RPS6KA2: variants seen among roughly 807,000 people sequenced by gnomAD.
The protein encoded by RPS6KA2 is ribosomal protein S6 kinase A2.
In RPS6KA2, 42 loss-of-function variants were observed where a neutral mutation model predicts 91.8. That is an observed-to-expected ratio of 0.46 (90% CI 0.36 to 0.59). The LOEUF is 0.59. Among genes scored for constraint, RPS6KA2 ranks in the 20% least tolerant of loss-of-function variants. The pLI is 0.00. For missense variants in RPS6KA2, 798 were observed against 978.5 expected, an observed-to-expected ratio of 0.82 and a Z score of 2.46; for synonymous variants, 414 against 393.6, an observed-to-expected ratio of 1.05 and a Z score of -0.61.
At chr6:166,811,986 T>A (rs1022868189) in intron 2 of RPS6KA2, among the ~76,000 whole-genome samples, 3 of 152,192 alleles carry the variant, frequency 2.0e-5, no homozygotes, top group African/African-American at 7.2e-5. Flanking sequence ...CTGAGTGCAC[T>A]GTAGATTTTA....
chr6:166,700,500 A>T (rs533077686), intron 2 of RPS6KA2, among the ~76,000 whole-genome samples: 3 of 152,190 alleles, frequency 2.0e-5, no homozygotes, highest in African/African-American at 7.2e-5. Flanking sequence ...TCAAAAAAAA[A>T]AGAACAATTT....
At chr6:166,678,802 C>T (rs1312113672) in intron 2 of RPS6KA2, among the ~76,000 whole-genome samples, 4 of 152,216 alleles carry the variant, frequency 2.6e-5, no homozygotes, top group Non-Finnish European at 4.4e-5. Context: ...TTCTGCTGCG[C>T]CTTGAGCCCC....
intron 2 of RPS6KA2, among the ~76,000 whole-genome samples, chr6:166,683,313 T>G (rs1354666655): frequency 6.6e-6 from 1 of 152,242 alleles, no homozygotes; most frequent in Non-Finnish European, 1.5e-5. Context: ...CTCTCCTAAC[T>G]CAGAGTTACA....
intron 2 of RPS6KA2, among the ~76,000 whole-genome samples, chr6:166,538,220 C>G (rs1218044275): frequency 1.3e-5 from 2 of 152,200 alleles, no homozygotes; most frequent in Admixed American, 1.3e-4. Context: ...GGGGAGCCGG[C>G]TGCAGACCCT....
Position 166,806,575 on chromosome 6 carries a change from T to C in RPS6KA2, c.123+51625A>G, listed in dbSNP as rs201715359. Among the ~76,000 whole-genome samples the C allele has an allele frequency of 3.9e-5, 6 of 152,264 alleles. No individual in the cohort carries two copies. The East Asian group carries it at 1.2e-3, about 29-fold the overall frequency. On this transcript the variant is annotated intron_variant, in intron 2 of 21. Coordinates refer to the RPS6KA2 transcript ENST00000503859. ...AAGAAGAAATTAAGACATTCCCAGA[T>C]AAACAAATGCAGGGGGAGTTTGTTA... is the stretch of plus-strand genomic sequence containing the variant.
intron 1 of RPS6KA2, among the ~76,000 whole-genome samples, chr6:166,588,188 G>C (rs1370623866): frequency 6.6e-6 from 1 of 152,052 alleles, no homozygotes; most frequent in East Asian, 1.9e-4. Context: ...ACCCTCCACT[G>C]CTCCCTGAGT....
rs114095774 is a variant in RPS6KA2, at chr6:166,735,837, T to C, written c.123+122363A>G. On this transcript the variant is annotated intron_variant, in intron 2 of 21. Transcript: ENST00000503859. ...GTGTGGCCTAGTTCCTAACAGGACA[T>C]GGTCTGTGGCCGAGGGGTTGAGGAC... Among the ~76,000 whole-genome samples the C allele has an allele frequency of 5.0e-3, 757 of 152,356 alleles. 4 individuals carry two copies. Among genetic ancestry groups the C allele is most frequent in the African/African-American group, 0.017 (712 of 41,578 alleles).
In RPS6KA2 at chr6:166,543,031, G is replaced by A. The variant is rs187496625; in HGVS notation, c.100-4247C>T. The stretch of plus-strand genomic sequence containing the variant: ...TACACAGGTGGTTTATGAAAATGTG[G>A]AAAAGAACGTATCTCCAACTCACAG... On this transcript the variant is annotated intron_variant, in intron 1 of 20. Transcript: ENST00000265678. 9.7e-4 allele frequency among the ~76,000 whole-genome samples: 147 copies of A among 152,192 alleles called. 1 individual carries two copies. The highest frequency in any genetic ancestry group is 1.6e-3 in the Non-Finnish European group (109 of 68,008).
intron 2 of RPS6KA2, among the ~76,000 whole-genome samples, chr6:166,815,963 T>G (rs896003755): frequency 6.6e-6 from 1 of 152,218 alleles, no homozygotes; most frequent in African/African-American, 2.4e-5. Context: ...CTACAGAGCA[T>G]CAAACCTAAT....
chr6:166,840,333 A>G (rs1780435101), intron 2 of RPS6KA2, among the ~76,000 whole-genome samples: 1 of 152,172 alleles, frequency 6.6e-6, no homozygotes, highest in Non-Finnish European at 1.5e-5. Flanking sequence ...ACAGACTTCC[A>G]GGCTTTCATG....
chr6:166,563,655 G>C lies in RPS6KA2; in HGVS notation c.100-24871C>G, dbSNP rs2157488. ...CTCCCACCCCAGGCAGATCTTGTGG[G>C]CAAGGTATCTGCTTAAAGACATTGA... On this transcript the variant is annotated intron_variant, in intron 1 of 20. Transcript: ENST00000265678. The surrounding 1 kb of genome is among the most constrained non-coding windows in gnomAD (Gnocchi z 4.1). Among the ~76,000 whole-genome samples the C allele has an allele frequency of 0.08, 12,113 of 152,172 alleles. 786 individuals are homozygous for C. Among genetic ancestry groups the C allele is most frequent in the South Asian group, 0.25 (1,197 of 4,812 alleles).
Position 166,775,359 on chromosome 6 carries a change from G to A in RPS6KA2, c.123+82841C>T, listed in dbSNP as rs141992525. Reference sequence around the variant, plus strand: ...AAAAGTTTCCCTCGCAAATTTGCACGTCTACCACTAGATGGCAGCAGAGGA... The same window carrying A: ...AAAAGTTTCCCTCGCAAATTTGCACATCTACCACTAGATGGCAGCAGAGGA... On this transcript the variant is annotated intron_variant, in intron 2 of 21. Coordinates refer to the RPS6KA2 transcript ENST00000503859. Among the ~76,000 whole-genome samples, 1,289 of 150,952 alleles carry A rather than the reference G, an allele frequency of 8.5e-3. 10 individuals carry two copies. Among genetic ancestry groups the A allele is most frequent in the Middle Eastern group, 0.014 (4 of 292 alleles).
Position 166,437,348 on chromosome 6 carries a change from C to T in RPS6KA2, c.1333-4858G>A, listed in dbSNP as rs1037987875. Reference sequence around the variant, plus strand: ...TCTGAGAATAATATTGTTTTATAATCTTTATTATGCAACAAAACAGGGAGG... The same window carrying T: ...TCTGAGAATAATATTGTTTTATAATTTTTATTATGCAACAAAACAGGGAGG... On this transcript the variant is annotated intron_variant, in intron 14 of 20. Transcript: ENST00000265678. The surrounding 1 kb of genome is among the most constrained non-coding windows in gnomAD (Gnocchi z 4.3). 6.6e-6 allele frequency among the ~76,000 whole-genome samples: 1 copy of T among 152,170 alleles called. No homozygotes were observed. Among genetic ancestry groups the T allele is most frequent in the Non-Finnish European group, 1.5e-5 (1 of 68,038 alleles).
intron 2 of RPS6KA2, among the ~76,000 whole-genome samples, chr6:166,777,407 TG>T (rs1307380895): frequency 1.3e-5 from 2 of 152,146 alleles, no homozygotes; most frequent in Admixed American, 1.3e-4. Flanking sequence ...AGGGACCACC[TG>T]AAACTGAGCC....
chr6:166,482,074 C>T (rs1319456451), intron 10 of RPS6KA2, among the ~76,000 whole-genome samples: 1 of 150,362 alleles, frequency 6.7e-6, no homozygotes, highest in African/African-American at 2.4e-5. Context: ...TGTACATATA[C>T]CTCTCTGATC....
At chr6:166,775,346 C>T (rs1370600818) in intron 2 of RPS6KA2, among the ~76,000 whole-genome samples, 2 of 151,466 alleles carry the variant, frequency 1.3e-5, no homozygotes, top group Non-Finnish European at 2.9e-5. Flanking sequence ...AAGTTTCCCT[C>T]GCAAATTTGC....
At chr6:166,714,586 C>T (rs1227012922) in intron 2 of RPS6KA2, among the ~76,000 whole-genome samples, 2 of 152,182 alleles carry the variant, frequency 1.3e-5, no homozygotes, top group South Asian at 2.1e-4. Flanking sequence ...GAGACAGAGA[C>T]GCACAGAGGG....
Position 166,852,929 on chromosome 6 carries a change from C to T in RPS6KA2, c.123+5271G>A, listed in dbSNP as rs1374554758. Among the ~76,000 whole-genome samples, 1 of 152,122 alleles carries T rather than the reference C, an allele frequency of 6.6e-6. No individual in the cohort carries two copies. The highest frequency in any genetic ancestry group is 1.5e-5 in the Non-Finnish European group (1 of 68,026). On this transcript the variant is annotated intron_variant, in intron 2 of 21. Transcript: ENST00000503859. The surrounding 1 kb of genome is among the most constrained non-coding windows in gnomAD (Gnocchi z 4.1). ...ATGGTGACAGCAGGAAATGCACCTG[C>T]CCTGCCCCCTCGCCCGGATACTTTC...
At chr6:166,701,533 C>T (rs1228665768) in intron 2 of RPS6KA2, 7 of 1,443,798 alleles carry the variant, frequency 4.8e-6, no homozygotes, top group East Asian at 4.6e-5. Flanking sequence ...TCCAGCAAAG[C>T]GAGAAAGCTG....
Sources: allele counts gnomAD v4.1 joint callset (sites outside exome capture counted in the v4.1 genomes callset), GRCh38; gene constraint gnomAD v4.1.1; non-coding constraint Gnocchi (gnomAD v3.1); transcripts MANE v1.5; gene names NCBI Gene and HGNC (gene_info 2026-07-23, HGNC 2026-07-21).